The following LIMS2 variants were observed in gnomAD, a reference collection of about 807,000 sequenced individuals.
LIMS2 encodes the protein LIM zinc finger domain containing 2, also known as LIM and senescent cell antigen-like-containing domain protein 2.
In LIMS2, 30 loss-of-function variants were observed where a neutral mutation model predicts 45.3. That is an observed-to-expected ratio of 0.66 (90% CI 0.50 to 0.90). LIMS2 has a LOEUF of 0.90. Among genes scored for constraint, LIMS2 ranks in the 40% least tolerant of loss-of-function variants. The pLI, the probability that LIMS2 is intolerant of heterozygous loss-of-function variation, is 0.00. For missense variants in LIMS2, 485 were observed against 468.7 expected (o/e 1.03, Z -0.32); for synonymous variants, 173 against 188.0 (o/e 0.92, Z 0.65).
At chr2:127,678,361 T>C (rs1685545727), upstream of LIMS2, among the ~76,000 whole-genome samples, 1 of 152,116 alleles carries the variant, frequency 6.6e-6, no homozygotes, top group Admixed American at 6.5e-5. This position sits in a 1 kb window ranked among gnomAD's most constrained non-coding sequence, Gnocchi z 5.3. Flanking sequence ...ACGACGATAT[T>C]AATGGGAGAA....
At chr2:127,649,190 A>AGGAAGGAAGGAAGGAG (rs1558878478) in intron 4 of LIMS2, among the ~76,000 whole-genome samples, 2 of 151,314 alleles carry the variant, frequency 1.3e-5, no homozygotes, top group African/African-American at 4.9e-5. Context: ...GAAGGAAGGA[A>AGGAAGGAAGGAAGGAG]GGAAGGAAGG....
chr2:127,640,808 G>T, intron 7 of LIMS2, 88 bp downstream of exon 7: 1 of 1,201,608 alleles, frequency 8.3e-7, no homozygotes. Context: ...GAGCTCCTGA[G>T]GGGGTGCCCA....
At position 127,675,495 on chromosome 2, in the gene LIMS2, C is replaced by G. The variant is rs1685473748; in HGVS notation, c.-471G>C. ...AGCGCGGCCAGCGGCGGGCGCGGGT[C>G]AAGTCCTTCCCAACCCGGGCTCTGC... is the stretch of plus-strand genomic sequence containing the variant. On this transcript the variant is annotated 5_prime_UTR_variant, in exon 1 of 10. Transcript: ENST00000355119. Among the ~76,000 whole-genome samples, 1 of 151,944 alleles carries G rather than the reference C, an allele frequency of 6.6e-6. No individual in the cohort carries two copies. The highest frequency in any genetic ancestry group is 2.4e-5 in the African/African-American group (1 of 41,406).
chr2:127,649,954 G>C, intron 4 of LIMS2: 3 of 1,422,234 alleles, frequency 2.1e-6, no homozygotes, highest in South Asian at 2.4e-5. Context: ...AATACTCCCA[G>C]CTGGCCTGAT....
intron 1 of LIMS2, 189 bp downstream of exon 1, chr2:127,674,825 G>A (rs1319252772): frequency 4.1e-6 from 4 of 985,252 alleles, no homozygotes; most frequent in Non-Finnish European, 4.8e-6. Flanking sequence ...TCGCCCAGAG[G>A]AAGAGGCGCG....
chr2:127,659,374 A>G (rs1474452047), intron 1 of LIMS2, among the ~76,000 whole-genome samples: 1 of 152,188 alleles, frequency 6.6e-6, no homozygotes, highest in Non-Finnish European at 1.5e-5. Context: ...AACCAAGAAG[A>G]AAGGAGGCCT....
intron 4 of LIMS2, among the ~76,000 whole-genome samples, chr2:127,645,368 T>C (rs753606025): frequency 6.6e-6 from 1 of 152,250 alleles, no homozygotes; most frequent in Non-Finnish European, 1.5e-5. Context: ...TGTTGCTGGA[T>C]GTATCATTTT....
At chr2:127,644,239 G>A (rs773747100) in intron 4 of LIMS2, 4 of 384,264 alleles carry the variant, frequency 1.0e-5, no homozygotes, top group Non-Finnish European at 2.1e-5. Context: ...TATGTGCCCA[G>A]CAGGGGGCAA....
chr2:127,657,516 C>A lies in LIMS2; in HGVS notation c.58G>T (p.Ala20Ser). 1.2e-6 allele frequency: 2 copies of A among 1,612,332 alleles called. No individual in the cohort carries two copies. The highest frequency in any genetic ancestry group is 1.7e-6 in the Non-Finnish European group (2 of 1,179,374). Residue 20 changes from alanine (A) to serine (S), a missense_variant, in exon 2 of 10, where the codon GCC becomes TCC. Transcript: ENST00000355119. Reference protein sequence around the residue: ...LANAVCQRCQARFSPAERIVN... With the variant: ...LANAVCQRCQSRFSPAERIVN... ...ATGCGCTCGGCGGGGGAGAAGCGGG[C>A]CTGGCAGCGCTGGCACACGGCGTTG...
At chr2:127,658,379 T>G (rs972358462) in intron 1 of LIMS2, among the ~76,000 whole-genome samples, 10 of 152,186 alleles carry the variant, frequency 6.6e-5, no homozygotes, top group Admixed American at 2.0e-4. Flanking sequence ...AGCAAGACCC[T>G]GTCTCAAAAT....
chr2:127,640,860 A>C (rs775223819), intron 7 of LIMS2, 36 bp downstream of exon 7: 1 of 1,591,314 alleles, frequency 6.3e-7, no homozygotes, highest in African/African-American at 1.3e-5. Flanking sequence ...CCACCCCTCC[A>C]GACCCGCATC....
At chr2:127,656,694 C>G (rs1037056214) in intron 2 of LIMS2, among the ~76,000 whole-genome samples, 1 of 152,170 alleles carries the variant, frequency 6.6e-6, no homozygotes, top group African/African-American at 2.4e-5. Flanking sequence ...GGATTACAGG[C>G]GTGAGCCGCC....
rs1322715297 is a variant in LIMS2 at position 127,672,861 on chromosome 2, G to A, written c.11+2153C>T. On this transcript the variant is annotated intron_variant, in intron 1 of 9. Coordinates refer to ENST00000355119, the MANE Select transcript of LIMS2 (RefSeq NM_001161403.3). The surrounding 1 kb of genome is among the most constrained non-coding windows in gnomAD (Gnocchi z 4.9). ...AGCCCTGAAGGTATGCGAGCAGAGA[G>A]GGTGTTTCCCAAAAGCAGCCTGGCT... Among the ~76,000 whole-genome samples the A allele has an allele frequency of 2.0e-5, 3 of 152,226 alleles. No individual in the cohort carries two copies. Among genetic ancestry groups the A allele is most frequent in the African/African-American group, 7.2e-5 (3 of 41,452 alleles).
At chr2:127,670,968 T>C (rs1460148173) in intron 1 of LIMS2, among the ~76,000 whole-genome samples, 2 of 152,252 alleles carry the variant, frequency 1.3e-5, no homozygotes, top group Non-Finnish European at 2.9e-5. Flanking sequence ...GCAAGACATA[T>C]GCATTCACTC....
chr2:127,676,305 AG>A (rs1685497705), upstream of LIMS2, among the ~76,000 whole-genome samples: 1 of 152,232 alleles, frequency 6.6e-6, no homozygotes, highest in African/African-American at 2.4e-5. Flanking sequence ...CCGTTCAGAA[AG>A]ATGAGTTGAT....
intron 2 of LIMS2, chr2:127,655,809 A>G (rs999388362): frequency 3.3e-5 from 5 of 152,346 alleles, no homozygotes; most frequent in Non-Finnish European, 7.3e-5. Flanking sequence ...CCCCACATCC[A>G]TCCACCAGCC....
At position 127,639,195 on chromosome 2, in the gene LIMS2, C is replaced by G; in HGVS notation, c.*86G>C. 7.0e-7 allele frequency: 1 copy of G among 1,428,466 alleles called. No homozygotes were observed. Among genetic ancestry groups the G allele is most frequent in the Non-Finnish European group, 9.7e-7 (1 of 1,036,110 alleles). 88.5% of individuals were successfully genotyped at this position (1,428,466 alleles called of 1,614,324 possible). On this transcript the variant is annotated 3_prime_UTR_variant, in exon 10 of 10. Transcript: ENST00000355119. ...AAGGGAGGGTAAGATGCGGAGGGCA[C>G]AGGTGGATGGGGACGAGGGGGCCAA...
At chr2:127,679,427 A>G (rs1351504262), upstream of LIMS2, among the ~76,000 whole-genome samples, 1 of 147,244 alleles carries the variant, frequency 6.8e-6, no homozygotes, top group Non-Finnish European at 1.5e-5. This position sits in a 1 kb window ranked among gnomAD's most constrained non-coding sequence, Gnocchi z 5.3. Flanking sequence ...CTTGAATCAC[A>G]CACTTAGTCT....
At chr2:127,656,327 C>T (rs564065685) in intron 2 of LIMS2, among the ~76,000 whole-genome samples, 11 of 152,246 alleles carry the variant, frequency 7.2e-5, no homozygotes, top group African/African-American at 2.6e-4. Flanking sequence ...TCCTGGTCCC[C>T]CCAGCCTCCT....
Sources: allele counts gnomAD v4.1 joint callset (sites outside exome capture counted in the v4.1 genomes callset), GRCh38; gene constraint gnomAD v4.1.1; non-coding constraint Gnocchi (gnomAD v3.1); transcripts MANE v1.5; gene names NCBI Gene and HGNC (gene_info 2026-07-23, HGNC 2026-07-21).